The following UBE2H variants were observed in gnomAD, a reference collection of about 807,000 sequenced individuals.
The protein encoded by UBE2H is ubiquitin-conjugating enzyme E2 H.
UBE2H carries 3 observed loss-of-function variants against 29.0 expected under a neutral mutation model. That is an observed-to-expected ratio of 0.10 (90% CI 0.05 to 0.27). The LOEUF (loss-of-function observed/expected upper bound fraction) is 0.27, where lower values mean the gene tolerates loss of function less well. Ranked by LOEUF, UBE2H falls within the 10% of genes least tolerant of loss-of-function variation. The probability of loss-of-function intolerance (pLI) is 1.00; values close to 1 mark genes in which losing one functional copy is unlikely to be tolerated. For missense variants in UBE2H, 68 were observed against 228.2 expected, an observed-to-expected ratio of 0.30 and a Z score of 4.52; for synonymous variants, 69 against 82.9, an observed-to-expected ratio of 0.83 and a Z score of 0.91.
At chr7:129,879,882 T>C (rs1385006510) in intron 2 of UBE2H, among the ~76,000 whole-genome samples, 2 of 152,218 alleles carry the variant, frequency 1.3e-5, no homozygotes, top group Non-Finnish European at 2.9e-5. Flanking sequence ...TCTTCAAAAG[T>C]ACTAAACACT....
chr7:129,886,521 T>C (rs1443861038), intron 1 of UBE2H, among the ~76,000 whole-genome samples: 2 of 152,148 alleles, frequency 1.3e-5, no homozygotes, highest in Admixed American at 6.6e-5. Context: ...GGACCAAGGA[T>C]TCAGGGACCA....
At chr7:129,905,387 T>G (rs1267869918) in intron 1 of UBE2H, among the ~76,000 whole-genome samples, 3 of 152,162 alleles carry the variant, frequency 2.0e-5, no homozygotes, top group Non-Finnish European at 4.4e-5. Context: ...TCGAATAACC[T>G]TCTTTCCAAT....
intron 5 of UBE2H, among the ~76,000 whole-genome samples, chr7:129,852,344 G>A (rs749333385): frequency 1.3e-5 from 2 of 152,126 alleles, no homozygotes; most frequent in African/African-American, 4.8e-5. Flanking sequence ...TTAGGTGCCT[G>A]TAGTCCCAGC....
intron 1 of UBE2H, among the ~76,000 whole-genome samples, chr7:129,898,405 T>A (rs1337301860): frequency 6.6e-6 from 1 of 152,164 alleles, no homozygotes; most frequent in Non-Finnish European, 1.5e-5. Context: ...AAGTAGAAGT[T>A]TAGATTTAAA....
At chr7:129,934,385 C>A (rs1000922654) in intron 1 of UBE2H, among the ~76,000 whole-genome samples, 2 of 151,984 alleles carry the variant, frequency 1.3e-5, no homozygotes, top group Non-Finnish European at 2.9e-5. Context: ...CACCTATAAT[C>A]TCAGCACTTT....
At chr7:129,933,687 T>C (rs1807454454) in intron 1 of UBE2H, among the ~76,000 whole-genome samples, 1 of 152,224 alleles carries the variant, frequency 6.6e-6, no homozygotes, top group Non-Finnish European at 1.5e-5. Context: ...GATTCAACAC[T>C]TTCCTGCAAG....
Position 129,832,830 on chromosome 7 carries a change from C to T in UBE2H, c.*2107G>A, listed in dbSNP as rs1435534267. 1 of 152,000 alleles carries T rather than the reference C, an allele frequency of 6.6e-6. No individual in the cohort carries two copies. The highest frequency in any genetic ancestry group is 1.5e-5 in the Non-Finnish European group (1 of 67,994). The allele number at this position is 152,000 out of a possible 1,614,324, so 9.4% of individuals were successfully genotyped here. On this transcript the variant is annotated 3_prime_UTR_variant, in exon 7 of 7. Coordinates refer to ENST00000355621, the MANE Select transcript of UBE2H (RefSeq NM_003344.4). ...AATTTTTTATTGTTTGAACTCAAATCACCACCCAGCACTTTAAGCCTACCC... is the reference window on the plus strand; with the variant it reads ...AATTTTTTATTGTTTGAACTCAAATTACCACCCAGCACTTTAAGCCTACCC...
chr7:129,938,195 G>A (rs1010584007), intron 1 of UBE2H, among the ~76,000 whole-genome samples: 5 of 151,984 alleles, frequency 3.3e-5, no homozygotes, highest in African/African-American at 9.7e-5. Context: ...AGGATTGCTT[G>A]AACTCAGGAG....
chr7:129,839,165 T>C, intron 6 of UBE2H, 42 bp downstream of exon 6: 1 of 1,595,988 alleles, frequency 6.3e-7, no homozygotes, highest in Non-Finnish European at 8.5e-7. Context: ...CCCAACAGAT[T>C]TAAGTTCTTT....
intron 1 of UBE2H, among the ~76,000 whole-genome samples, chr7:129,933,092 T>C (rs751958253): frequency 6.6e-6 from 1 of 152,208 alleles, no homozygotes; most frequent in Non-Finnish European, 1.5e-5. Context: ...AGGTTTTGCA[T>C]CTGTAAAATG....
intron 5 of UBE2H, among the ~76,000 whole-genome samples, chr7:129,852,882 C>T (rs573412121): frequency 5.9e-5 from 9 of 152,214 alleles, no homozygotes; most frequent in South Asian, 2.1e-4. Context: ...TGCGCCACCA[C>T]GCCTGGCTAA....
intron 1 of UBE2H, among the ~76,000 whole-genome samples, chr7:129,910,477 C>G: frequency 6.6e-6 from 1 of 152,172 alleles, no homozygotes; most frequent in Non-Finnish European, 1.5e-5. Flanking sequence ...GGCACTACTT[C>G]TCTATCAAAC....
chr7:129,870,984 T>C (rs1806018349), intron 3 of UBE2H, among the ~76,000 whole-genome samples: 1 of 152,230 alleles, frequency 6.6e-6, no homozygotes, highest in Non-Finnish European at 1.5e-5. Flanking sequence ...TTTTGTTTTG[T>C]TTTTAATCTT....
intron 3 of UBE2H, among the ~76,000 whole-genome samples, chr7:129,871,952 T>A (rs940870034): frequency 6.6e-6 from 1 of 152,062 alleles, no homozygotes; most frequent in African/African-American, 2.4e-5. Context: ...GTTCAAGTAA[T>A]TCTCCTTCCT....
intron 1 of UBE2H, among the ~76,000 whole-genome samples, chr7:129,908,989 G>A (rs1216926798): frequency 6.6e-6 from 1 of 152,118 alleles, no homozygotes; most frequent in Non-Finnish European, 1.5e-5. Flanking sequence ...ACACACAAAA[G>A]CCAATTTAAC....
At chr7:129,939,312 T>C (rs1249992051) in intron 1 of UBE2H, among the ~76,000 whole-genome samples, 1 of 152,224 alleles carries the variant, frequency 6.6e-6, no homozygotes, top group Non-Finnish European at 1.5e-5. Flanking sequence ...TAGCTGGGAC[T>C]GAAGGAATGA....
intron 1 of UBE2H, among the ~76,000 whole-genome samples, chr7:129,952,201 C>T (rs909363301): frequency 3.3e-5 from 5 of 151,286 alleles, no homozygotes; most frequent in African/African-American, 1.2e-4. Context: ...GGCGACTGGT[C>T]GTGCAAAAAG....
In UBE2H at chr7:129,834,985, G is replaced by A. The variant is rs148517185; in HGVS notation, c.504C>T (p.Ser168=). ...CATCTTCGGAAAAGTCAGACATAGAGCTCTCCGATGAGCTGTCCCCGGTAC... is the reference window on the plus strand; with the variant it reads ...CATCTTCGGAAAAGTCAGACATAGAACTCTCCGATGAGCTGTCCCCGGTAC... ...EEGTGDSSSE[S]SMSDFSEDEA... The change falls in exon 7 of 7, where the codon AGC becomes AGT. Residue 168 remains serine (S), a synonymous_variant. Coordinates refer to ENST00000355621, the MANE Select transcript of UBE2H (RefSeq NM_003344.4). 6.8e-6 allele frequency: 11 copies of A among 1,613,814 alleles called. No individual in the cohort carries two copies. In the East Asian group the frequency reaches 2.2e-4, roughly 33 times the overall value.
intron 6 of UBE2H, among the ~76,000 whole-genome samples, chr7:129,835,920 C>T (rs1805316494): frequency 6.6e-6 from 1 of 152,102 alleles, no homozygotes; most frequent in African/African-American, 2.4e-5. Context: ...GCTGAATGGC[C>T]AAATGGGCCT....
Sources: allele counts gnomAD v4.1 joint callset (sites outside exome capture counted in the v4.1 genomes callset), GRCh38; gene constraint gnomAD v4.1.1; transcripts MANE v1.5; gene names NCBI Gene and HGNC (gene_info 2026-07-23, HGNC 2026-07-21).